LIPI: variants seen among roughly 807,000 people sequenced by gnomAD.
LIPI encodes lipase member I.
LIPI carries 59 observed loss-of-function variants against 50.6 expected under a neutral mutation model. That is an observed-to-expected ratio of 1.16 (90% CI 0.94 to 1.45). The LOEUF (loss-of-function observed/expected upper bound fraction) is 1.45. LIPI is among the 40% of genes most tolerant of loss of function. The probability of loss-of-function intolerance (pLI) is 0.00; values close to 1 mark genes in which losing one functional copy is unlikely to be tolerated. For synonymous variants in LIPI, 203 were observed against 178.2 expected (o/e 1.14, Z -1.11); for missense variants, 586 against 536.3 (o/e 1.09, Z -0.92).
At chr21:14,120,296 C>G (rs892389518) in intron 9 of LIPI, among the ~76,000 whole-genome samples, 1 of 152,176 alleles carries the variant, frequency 6.6e-6, no homozygotes, top group African/African-American at 2.4e-5. Flanking sequence ...GCGGTAGGAA[C>G]CTCAGCACAG....
chr21:14,138,127 A>C (rs1427733372), intron 9 of LIPI, among the ~76,000 whole-genome samples: 2 of 152,158 alleles, frequency 1.3e-5, no homozygotes, highest in African/African-American at 4.8e-5. Context: ...TTTTGGGCAC[A>C]CTAATAGCCC....
Position 14,189,311 on chromosome 21 carries a change from T to C in LIPI, c.155A>G (p.Asn52Ser), listed in dbSNP as rs1401181686. The C allele has an allele frequency of 2.5e-6, 4 of 1,613,812 alleles. No homozygotes were observed. Among genetic ancestry groups the C allele is most frequent in the Admixed American group, 3.3e-5 (2 of 60,018 alleles). The change falls in exon 2 of 10, where the codon AAC becomes AGC. Residue 52 changes from asparagine (N) to serine (S), a missense_variant. Transcript: ENST00000681601. Reference protein sequence around the residue: ...ETILMMYTRNNLNCAEPLFEQ... With the variant: ...ETILMMYTRNSLNCAEPLFEQ... ...AAACAGTGGCTCAGCACAGTTTAGGTTGTTCCTTGTATACATCATCAGAAT... is the reference window on the plus strand; with the variant it reads ...AAACAGTGGCTCAGCACAGTTTAGGCTGTTCCTTGTATACATCATCAGAAT...
chr21:14,190,457 G>A (rs1033527028), intron 1 of LIPI, among the ~76,000 whole-genome samples: 7 of 151,936 alleles, frequency 4.6e-5, no homozygotes, highest in African/African-American at 1.7e-4. Context: ...AAGTATTAAT[G>A]CACTTTATGC....
At chr21:14,190,444 CA>C (rs2019632928) in intron 1 of LIPI, among the ~76,000 whole-genome samples, 1 of 151,876 alleles carries the variant, frequency 6.6e-6, no homozygotes, top group South Asian at 2.1e-4. Context: ...CAAAAATTAA[CA>C]AAAGTATTAA....
intron 9 of LIPI, among the ~76,000 whole-genome samples, chr21:14,136,765 A>T (rs2017514994): frequency 6.6e-6 from 1 of 152,022 alleles, no homozygotes; most frequent in African/African-American, 2.4e-5. Flanking sequence ...CTTGGGCAAG[A>T]CCCAGTGCTG....
rs1315094966 is a variant in LIPI, at chr21:14,165,398, G to GT, written c.734-9dup. 1.3e-6 allele frequency: 2 copies of GT among 1,593,522 alleles called. No homozygotes were observed. Among genetic ancestry groups the GT allele is most frequent in the East Asian group, 2.2e-5 (1 of 44,582 alleles). On this transcript the variant is annotated splice_polypyrimidine_tract_variant and intron_variant, in intron 5 of 9. Coordinates refer to ENST00000681601, the MANE Select transcript of LIPI (RefSeq NM_001302998.2). ...ATTTAATGAATTGAATTCCTTAAGG[G>GT]TTAAAAAAAAAACAAAGAACTGTAG...
At chr21:14,178,027 C>G (rs1395679225) in intron 4 of LIPI, among the ~76,000 whole-genome samples, 1 of 152,086 alleles carries the variant, frequency 6.6e-6, no homozygotes, top group Non-Finnish European at 1.5e-5. Context: ...AGCAATCATT[C>G]TGTTGTTTCC....
chr21:14,169,445 T>C (rs1199041951), intron 4 of LIPI, among the ~76,000 whole-genome samples: 1 of 152,116 alleles, frequency 6.6e-6, no homozygotes, highest in Non-Finnish European at 1.5e-5. Flanking sequence ...TATTCCAAAA[T>C]TGACCACATA....
At chr21:14,147,270 ATCCCCTATTT>A (rs1457923019) in intron 8 of LIPI, among the ~76,000 whole-genome samples, 1 of 152,172 alleles carries the variant, frequency 6.6e-6, no homozygotes, top group Non-Finnish European at 1.5e-5. Flanking sequence ...ACTAATTGAC[ATCCCCTATTT>A]TAATTTTCTA....
intron 1 of LIPI, among the ~76,000 whole-genome samples, chr21:14,207,237 G>A (rs2020250136): frequency 6.6e-6 from 1 of 152,152 alleles, no homozygotes; most frequent in South Asian, 2.1e-4. Context: ...AAGTTCTAGT[G>A]TTCTACATCA....
At chr21:14,210,010 G>GA (rs2020323383) in intron 1 of LIPI, among the ~76,000 whole-genome samples, 2 of 151,910 alleles carry the variant, frequency 1.3e-5, no homozygotes, top group Admixed American at 1.3e-4. Flanking sequence ...GAAAACATAA[G>GA]AAATAATGGT....
chr21:14,142,843 A>G (rs1279061076), intron 9 of LIPI, among the ~76,000 whole-genome samples: 1 of 151,868 alleles, frequency 6.6e-6, no homozygotes. Flanking sequence ...ATTAACTTAC[A>G]CTTATATTTG....
At chr21:14,132,487 G>T (rs1568840363) in intron 9 of LIPI, among the ~76,000 whole-genome samples, 1 of 152,114 alleles carries the variant, frequency 6.6e-6, no homozygotes, top group Non-Finnish European at 1.5e-5. Context: ...CTGCATAAAT[G>T]AAGGAGAAAT....
intron 9 of LIPI, among the ~76,000 whole-genome samples, chr21:14,130,327 A>C (rs1323780944): frequency 6.6e-6 from 1 of 152,128 alleles, no homozygotes; most frequent in African/African-American, 2.4e-5. Flanking sequence ...GCAACAGTGC[A>C]AGACTCTGTC....
intron 7 of LIPI, among the ~76,000 whole-genome samples, chr21:14,156,743 A>G (rs1228305169): frequency 6.6e-6 from 1 of 151,910 alleles, no homozygotes; most frequent in Admixed American, 6.6e-5. Context: ...AATTTTTAGG[A>G]ACATAATAGG....
intron 7 of LIPI, among the ~76,000 whole-genome samples, chr21:14,157,744 C>T (rs1023713245): frequency 2.6e-5 from 4 of 151,902 alleles, no homozygotes; most frequent in African/African-American, 4.8e-5. Flanking sequence ...ACCCAGGGAG[C>T]AGAGCCATGA....
At chr21:14,123,956 A>G (rs1012834741) in intron 9 of LIPI, among the ~76,000 whole-genome samples, 3 of 152,182 alleles carry the variant, frequency 2.0e-5, no homozygotes, top group Non-Finnish European at 4.4e-5. Flanking sequence ...TGTTATGGAA[A>G]TTACTGCCAG....
chr21:14,179,985 T>C (rs1321266973), intron 4 of LIPI, among the ~76,000 whole-genome samples: 1 of 152,154 alleles, frequency 6.6e-6, no homozygotes, highest in Non-Finnish European at 1.5e-5. Context: ...GCAGGAAAGA[T>C]ATCGCTAAAT....
intron 8 of LIPI, among the ~76,000 whole-genome samples, chr21:14,147,483 T>A (rs1204602106): frequency 1.3e-5 from 2 of 152,092 alleles, no homozygotes; most frequent in Admixed American, 1.3e-4. Flanking sequence ...TCATTAAAAA[T>A]TGTTTGAATA....
Sources: gnomAD v4.1 joint callset for allele counts (sites outside exome capture counted in the v4.1 genomes callset) on GRCh38, gnomAD v4.1.1 for gene constraint, MANE v1.5 for transcripts, NCBI Gene and HGNC (gene_info 2026-07-23, HGNC 2026-07-21) for gene names.